SPEG: variants seen among roughly 807,000 people sequenced by gnomAD.
SPEG encodes striated muscle preferentially expressed protein kinase.
Under a neutral mutation model 300.4 loss-of-function variants are expected in SPEG, and 114 were observed. The ratio of observed to expected loss-of-function variants is 0.38; its 90% CI spans 0.33 to 0.44. SPEG has a LOEUF of 0.44. Among genes scored for constraint, SPEG ranks in the 20% least tolerant of loss-of-function variants. The pLI is 1.00. For synonymous variants in SPEG, 1,964 were observed against 2,018.9 expected (o/e 0.97, Z 0.73); for missense variants, 4,201 against 4,586.2 (o/e 0.92, Z 2.43).
At position 219,480,400 on chromosome 2, in the gene SPEG, C is replaced by T. The variant is rs1692728720; in HGVS notation, c.5342+260C>T. ...GCCGGGCCTTCCCCTCAGCATTCAG[C>T]CTGCCTCCTCCAGTAAGGCAGGCAT... On this transcript the variant is annotated intron_variant, in intron 25 of 40. Transcript: ENST00000312358. The surrounding 1 kb of genome is among the most constrained non-coding windows in gnomAD (Gnocchi z 5.3). 6.6e-6 allele frequency among the ~76,000 whole-genome samples: 1 copy of T among 152,128 alleles called. No individual in the cohort carries two copies. Among genetic ancestry groups the T allele is most frequent in the African/African-American group, 2.4e-5 (1 of 41,420 alleles).
chr2:219,461,866 C>T lies in SPEG; in HGVS notation c.2441-16C>T. The T allele has an allele frequency of 3.1e-6, 5 of 1,611,976 alleles. No individual in the cohort carries two copies. The South Asian group carries it at 5.5e-5, about 18-fold the overall frequency. On this transcript the variant is annotated splice_polypyrimidine_tract_variant and intron_variant, in intron 6 of 40. Coordinates refer to ENST00000312358, the MANE Select transcript of SPEG (RefSeq NM_005876.5). ...GCTCGCCTTCCTCCCTGGTAGCTATCTCTGTCTCTCTCCAGGTGGGTCTAC... is the reference window on the plus strand; with the variant it reads ...GCTCGCCTTCCTCCCTGGTAGCTATTTCTGTCTCTCTCCAGGTGGGTCTAC...
Position 219,482,777 on chromosome 2 carries a change from T to C in SPEG, c.5566-7T>C. 3 of 1,613,550 alleles carry C rather than the reference T, an allele frequency of 1.9e-6. No homozygotes were observed. Among genetic ancestry groups the C allele is most frequent in the Non-Finnish European group, 2.5e-6 (3 of 1,179,732 alleles). ...TTTCCCTCAAGCCCTCTTTCCTGGG[T>C]TTGCAGACTCAGGCAAAGGGCGCAG... On this transcript the variant is annotated splice_region_variant and splice_polypyrimidine_tract_variant and intron_variant, in intron 28 of 40. Transcript: ENST00000312358.
rs1692019857 is a variant in SPEG, at chr2:219,472,974, C to T, written c.4025C>T (p.Pro1342Leu). The change falls in exon 16 of 41, where the codon CCA (proline) becomes CTA (leucine). Residue 1342 changes from proline (P) to leucine (L), a missense_variant. By Grantham distance (98) the Pro-to-Leu change is moderately conservative. This residue lies in a region of SPEG where 1,047 missense variants were observed against 1,356.8 expected (regional missense o/e 0.77). Transcript: ENST00000312358. ...GCACTGGTCACAGGCCTGCGGGAGC[C>T]AGGGTGGGCAGCCACAGGGCTGCGT... is the stretch of plus-strand genomic sequence containing the variant. ...WTALVTGLRE[P>L]GWAATGLRKG... 7 of 1,613,722 alleles carry T rather than the reference C, an allele frequency of 4.3e-6. No individual in the cohort carries two copies. The African/African-American group carries it at 9.3e-5, about 22-fold the overall frequency.
At chr2:219,466,696 C>G (rs112024826) in intron 9 of SPEG, 1 of 1,000,492 alleles carries the variant, frequency 1.0e-6, no homozygotes, top group Admixed American at 5.5e-5. Flanking sequence ...AGGTTTAGGG[C>G]CCATTTGGGG....
rs749897298 is a variant in SPEG at position 219,481,288 on chromosome 2, C to G, written c.5370-16C>G. ...TCCCCGCCTGCCCCTCATGACAGCC[C>G]TCTTCACCCCTGCAGTCTGACAGGA... On this transcript the variant is annotated splice_polypyrimidine_tract_variant and intron_variant, in intron 26 of 40. Transcript: ENST00000312358. This position sits in a 1 kb window ranked among gnomAD's most constrained non-coding sequence, Gnocchi z 5.4. 1 of 1,613,278 alleles carries G rather than the reference C, an allele frequency of 6.2e-7. No individual in the cohort carries two copies. The highest frequency in any genetic ancestry group is 1.1e-5 in the South Asian group (1 of 90,952).
chr2:219,488,076 A>T, intron 31 of SPEG, 118 bp from the exon 32 acceptor site: 1 of 682,962 alleles, frequency 1.5e-6, no homozygotes, highest in Admixed American at 2.5e-5. Context: ...CTGCCTGGGA[A>T]GAGACAAAGT....
chr2:219,451,714 G>C lies in SPEG; in HGVS notation c.2347G>C (p.Glu783Gln). 1 of 1,568,100 alleles carries C rather than the reference G, an allele frequency of 6.4e-7. No individual in the cohort carries two copies. Among genetic ancestry groups the C allele is most frequent in the South Asian group, 1.2e-5 (1 of 85,086 alleles). Residue 783 changes from glutamate (E) to glutamine (Q), a missense_variant, in exon 6 of 41, where the codon GAG becomes CAG. By Grantham distance (29) the Glu-to-Gln change is conservative. Coordinates refer to ENST00000312358, the MANE Select transcript of SPEG (RefSeq NM_005876.5). The surrounding 1 kb of genome is among the most constrained non-coding windows in gnomAD (Gnocchi z 6.4). ...EGERHTLLLR[E>Q]ARAADAGSYM... Reference sequence around the variant, plus strand: ...TGAGCGGCACACCCTGCTGCTCAGGGAGGCCAGGGCAGCAGATGCCGGGAG... The same window carrying C: ...TGAGCGGCACACCCTGCTGCTCAGGCAGGCCAGGGCAGCAGATGCCGGGAG...
rs538170642 is a variant in SPEG at position 219,448,306 on chromosome 2, G to T, written c.1148G>T (p.Arg383Leu). 10 of 1,607,482 alleles carry T rather than the reference G, an allele frequency of 6.2e-6. No homozygotes were observed. Among genetic ancestry groups the T allele is most frequent in the South Asian group, 5.5e-5 (5 of 90,606 alleles). ...ACGCCACTGAGCGAGGCCTCAGGCC[G>T]CCTGTCGGCGTTGGGCCGATCGCCT... is the stretch of plus-strand genomic sequence containing the variant. ...PQTPLSEASG[R>L]LSALGRSPRL... The change falls in exon 4 of 41, where the codon CGC (arginine) becomes CTC (leucine). Residue 383 changes from arginine (R) to leucine (L), a missense_variant. This residue lies in a region of SPEG where 1,258 missense variants were observed against 1,293.9 expected (regional missense o/e 0.97). Transcript: ENST00000312358.
intron 3 of SPEG, among the ~76,000 whole-genome samples, chr2:219,446,860 A>G (rs1308444453): frequency 6.6e-6 from 1 of 152,120 alleles, no homozygotes; most frequent in African/African-American, 2.4e-5. Flanking sequence ...TAAATGACTC[A>G]ATGCATTTTA....
chr2:219,455,468 A>C (rs1690103050), intron 6 of SPEG, among the ~76,000 whole-genome samples: 1 of 152,132 alleles, frequency 6.6e-6, no homozygotes, highest in South Asian at 2.1e-4. Context: ...TTTTAAATTT[A>C]ATTTCATTTT....
chr2:219,484,837 C>A lies in SPEG; in HGVS notation c.7374C>A (p.Ser2458Arg). ...SPVLAMRRRL[S>R]FTLERLSSRL... ...TGCTGGCGATGCGCAGGCGGCTGAG[C>A]TTCACCCTGGAGCGGCTGTCCAGCC... The change falls in exon 30 of 41, where the codon AGC (serine) becomes AGA (arginine). Residue 2458 changes from serine (S) to arginine (R), a missense_variant. By Grantham distance (110) the Ser-to-Arg change is moderately radical. Around this residue, in one of 4 missense-constraint regions of SPEG, gnomAD observed 1,578 missense variants for 1,506.0 expected, o/e 1.05. Coordinates refer to ENST00000312358, the MANE Select transcript of SPEG (RefSeq NM_005876.5). 6.6e-7 allele frequency: 1 copy of A among 1,514,836 alleles called. No individual in the cohort carries two copies. The highest frequency in any genetic ancestry group is 8.8e-7 in the Non-Finnish European group (1 of 1,139,518). 93.8% of individuals were successfully genotyped at this position (1,514,836 alleles called of 1,614,324 possible). A position where few individuals can be genotyped will look rare whatever the true frequency, so the allele number is the denominator to read the frequency against.
chr2:219,492,451 TG>T, intron 40 of SPEG, 142 bp from the exon 41 acceptor site: 1 of 1,096,752 alleles, frequency 9.1e-7, no homozygotes, highest in Non-Finnish European at 1.3e-6. Flanking sequence ...TTCCGGAGAC[TG>T]GGGAACTGAG....
intron 1 of SPEG, chr2:219,441,407 T>A (rs899071116): frequency 2.3e-6 from 1 of 429,866 alleles, no homozygotes; most frequent in African/African-American, 2.0e-5. Context: ...TTTCACAGTC[T>A]GAGTCCATGT....
intron 6 of SPEG, among the ~76,000 whole-genome samples, chr2:219,455,418 T>C (rs911521414): frequency 6.6e-6 from 1 of 152,232 alleles, no homozygotes; most frequent in Non-Finnish European, 1.5e-5. Flanking sequence ...ATGTGGTTAG[T>C]GAGCACTTGA....
intron 6 of SPEG, chr2:219,460,655 C>G (rs1173942651): frequency 2.0e-6 from 2 of 985,476 alleles, no homozygotes; most frequent in Non-Finnish European, 2.4e-6. Context: ...GACGGCCGCG[C>G]TCCGCCCTCC....
chr2:219,452,285 T>C (rs1689824843), intron 6 of SPEG, among the ~76,000 whole-genome samples: 1 of 152,178 alleles, frequency 6.6e-6, no homozygotes, highest in South Asian at 2.1e-4. Context: ...CTACTTTTCT[T>C]GAACCCAAAG....
chr2:219,492,399 A>G, intron 40 of SPEG, 139 bp downstream of exon 40: 1 of 1,165,712 alleles, frequency 8.6e-7, no homozygotes, highest in Non-Finnish European at 1.2e-6. Flanking sequence ...CCACCATTTA[A>G]AGCCTGAGGC....
intron 1 of SPEG, among the ~76,000 whole-genome samples, chr2:219,440,063 A>G (rs1276476835): frequency 1.3e-5 from 2 of 152,208 alleles, no homozygotes; most frequent in Non-Finnish European, 2.9e-5. Context: ...TGCACCCAGA[A>G]TGTACAAGAC....
intron 14 of SPEG, 55 bp downstream of exon 14, chr2:219,472,042 C>A (rs530210298): frequency 1.3e-6 from 2 of 1,597,754 alleles, no homozygotes; most frequent in Non-Finnish European, 1.7e-6. Context: ...TCTGGCACTA[C>A]GTGGGGGCTC....
Sources: allele counts gnomAD v4.1 joint callset (sites outside exome capture counted in the v4.1 genomes callset), GRCh38; gene constraint gnomAD v4.1.1; regional missense constraint gnomAD v4.1.1; non-coding constraint Gnocchi (gnomAD v3.1); transcripts MANE v1.5; gene names NCBI Gene and HGNC (gene_info 2026-07-23, HGNC 2026-07-21).